The following DNAJC12 variants were observed in gnomAD, a reference collection of about 807,000 sequenced individuals.
DNAJC12 encodes the protein DnaJ heat shock protein family (Hsp40) member C12.
DNAJC12 carries 25 observed loss-of-function variants against 28.5 expected under a neutral mutation model. The ratio of observed to expected loss-of-function variants is 0.88; its 90% CI spans 0.64 to 1.22. The LOEUF is 1.22. DNAJC12 is among the 50% of genes most tolerant of loss of function. The pLI is 0.00. For synonymous variants in DNAJC12, 77 were observed against 80.6 expected (o/e 0.95, Z 0.24); for missense variants, 222 against 231.7 (o/e 0.96, Z 0.27).
At position 67,811,508 on chromosome 10, in the gene DNAJC12, C is replaced by T. The variant is rs778830845; in HGVS notation, c.297+16G>A. 5.0e-6 allele frequency: 8 copies of T among 1,613,648 alleles called. No homozygotes were observed. In the Admixed American group the frequency reaches 1.3e-4, roughly 27 times the overall value. ...TGAGCTTCACAAATTCACGTCGCAC[C>T]CAGCGAGAAACCCACCGTCTTCACT... On this transcript the variant is annotated intron_variant, in intron 3 of 4. Transcript: ENST00000225171.
chr10:67,805,941 T>C (rs780695447), intron 3 of DNAJC12, among the ~76,000 whole-genome samples, 154 bp from the exon 4 acceptor site: 3 of 152,220 alleles, frequency 2.0e-5, no homozygotes, highest in Non-Finnish European at 2.9e-5. Context: ...CATAAATTAA[T>C]CCAGATATTA....
intron 4 of DNAJC12, among the ~76,000 whole-genome samples, chr10:67,800,727 C>T (rs771386829): frequency 1.3e-5 from 2 of 151,914 alleles, no homozygotes; most frequent in African/African-American, 2.4e-5. Context: ...GGGCAGATCA[C>T]GAGGTCAGGA....
intron 2 of DNAJC12, among the ~76,000 whole-genome samples, chr10:67,822,495 G>T (rs193056231): frequency 3.9e-4 from 60 of 152,214 alleles, no homozygotes; most frequent in Non-Finnish European, 6.3e-4. Context: ...CTTCCTTTTC[G>T]GGAAGTCTGG....
At chr10:67,803,570 A>G (rs1286171204) in intron 4 of DNAJC12, among the ~76,000 whole-genome samples, 1 of 152,246 alleles carries the variant, frequency 6.6e-6, no homozygotes, top group African/African-American at 2.4e-5. Context: ...AAAATTTCGT[A>G]GAATCCTATG....
At chr10:67,804,793 A>C (rs1841782115) in intron 4 of DNAJC12, among the ~76,000 whole-genome samples, 1 of 152,164 alleles carries the variant, frequency 6.6e-6, no homozygotes, top group Admixed American at 6.6e-5. Context: ...GCACTTTGGG[A>C]GGCCCAGGCA....
intron 1 of DNAJC12, among the ~76,000 whole-genome samples, chr10:67,829,640 C>CA (rs567983949): frequency 1.3e-5 from 2 of 151,756 alleles, no homozygotes; most frequent in African/African-American, 2.4e-5. Flanking sequence ...GACTCCGTCT[C>CA]AAAAAAATAA....
At chr10:67,826,479 TATAA>T (rs1409646438) in intron 1 of DNAJC12, among the ~76,000 whole-genome samples, 13 of 145,722 alleles carry the variant, frequency 8.9e-5, no homozygotes, top group African/African-American at 3.3e-4. Context: ...TATATATATA[TATAA>T]GATGCTTATA....
intron 1 of DNAJC12, among the ~76,000 whole-genome samples, chr10:67,828,674 C>CTA (rs71483912): frequency 0.018 from 2,668 of 150,546 alleles, 37 homozygotes; most frequent in African/African-American, 0.025. Context: ...CTCTCTCTCT[C>CTA]TATATATATA....
chr10:67,837,696 G>A (rs536265985), intron 1 of DNAJC12, among the ~76,000 whole-genome samples: 1 of 152,238 alleles, frequency 6.6e-6, no homozygotes, highest in South Asian at 2.1e-4. Context: ...CCATGTGCCA[G>A]AATACACATA....
chr10:67,833,980 C>A, intron 1 of DNAJC12: 1 of 451,642 alleles, frequency 2.2e-6, no homozygotes, highest in South Asian at 1.6e-5. Flanking sequence ...AGCCCTACTG[C>A]CAAAAAAGGG....
chr10:67,822,218 G>A (rs1170258366), intron 2 of DNAJC12, among the ~76,000 whole-genome samples: 1 of 152,190 alleles, frequency 6.6e-6, no homozygotes, highest in African/African-American at 2.4e-5. Flanking sequence ...TCACAAAGGA[G>A]ACTGAGAGAA....
At chr10:67,817,896 A>T (rs1277516630) in intron 2 of DNAJC12, among the ~76,000 whole-genome samples, 1 of 151,696 alleles carries the variant, frequency 6.6e-6, no homozygotes, top group African/African-American at 2.4e-5. Context: ...AATAAAAAAT[A>T]AAAAAAGAGA....
At chr10:67,805,364 T>C (rs755346133) in intron 4 of DNAJC12, among the ~76,000 whole-genome samples, 6 of 152,230 alleles carry the variant, frequency 3.9e-5, no homozygotes, top group African/African-American at 1.4e-4. Context: ...GCTAGCATTA[T>C]GTCAGTAAAG....
At chr10:67,830,441 T>C (rs1842081575) in intron 1 of DNAJC12, among the ~76,000 whole-genome samples, 2 of 151,624 alleles carry the variant, frequency 1.3e-5, no homozygotes, top group Admixed American at 1.3e-4. Flanking sequence ...ACCCCGTCTC[T>C]ACTAAAAATA....
rs1305648758 is a variant in DNAJC12, at chr10:67,819,699, GAAGGAAGGAAGGAAGGAAGC to G, written c.157+3595_157+3614del. 1.1e-3 allele frequency among the ~76,000 whole-genome samples: 26 copies of G among 24,622 alleles called. 3 individuals carry two copies. The highest frequency in any genetic ancestry group is 1.2e-3 in the Non-Finnish European group (13 of 10,566). The allele number at this position is 24,622 out of a possible 152,430, so 16.2% of individuals were successfully genotyped here. A position where few individuals can be genotyped will look rare whatever the true frequency, so the allele number is the denominator to read the frequency against. The stretch of plus-strand genomic sequence containing the variant: ...GAAAGAAAGAAAGAAAGAAAGAAAG[GAAGGAAGGAAGGAAGGAAGC>G]AAGGAAGGAAGGAAGGAAGGAAGGA... On this transcript the variant is annotated intron_variant, in intron 2 of 4. Coordinates refer to ENST00000225171, the MANE Select transcript of DNAJC12 (RefSeq NM_021800.3).
chr10:67,809,849 G>A (rs1841841468), intron 3 of DNAJC12, among the ~76,000 whole-genome samples: 1 of 152,096 alleles, frequency 6.6e-6, no homozygotes, highest in South Asian at 2.1e-4. Flanking sequence ...AAAGTGGGAG[G>A]CTGGGACGGA....
chr10:67,814,100 C>G (rs2131799480), intron 2 of DNAJC12, among the ~76,000 whole-genome samples: 2 of 148,400 alleles, frequency 1.3e-5, no homozygotes, highest in South Asian at 4.4e-4. Context: ...TTCTGAATTT[C>G]AAAACTTATA....
intron 1 of DNAJC12, among the ~76,000 whole-genome samples, chr10:67,834,345 T>C (rs1490695868): frequency 6.6e-6 from 1 of 152,136 alleles, no homozygotes; most frequent in Non-Finnish European, 1.5e-5. Context: ...AACTCAAGGA[T>C]AGGATAAGTG....
chr10:67,801,015 T>A (rs1841738692), intron 4 of DNAJC12, among the ~76,000 whole-genome samples: 1 of 152,220 alleles, frequency 6.6e-6, no homozygotes, highest in Non-Finnish European at 1.5e-5. Flanking sequence ...AGAACTGTAT[T>A]TATCAGAAGA....
Sources: allele counts gnomAD v4.1 joint callset (sites outside exome capture counted in the v4.1 genomes callset), GRCh38; gene constraint gnomAD v4.1.1; transcripts MANE v1.5; gene names NCBI Gene and HGNC (gene_info 2026-07-23, HGNC 2026-07-21).